CSPP1: variants seen among roughly 807,000 people sequenced by gnomAD.
CSPP1 encodes the protein centrosome and spindle pole associated protein 1, also known as centrosome and spindle pole-associated protein 1.
In CSPP1, 126 loss-of-function variants were observed where a neutral mutation model predicts 164.4. The observed-to-expected ratio is 0.77, with a 90% CI of 0.66 to 0.89. CSPP1 has a LOEUF of 0.89. Ranked by LOEUF, CSPP1 falls within the 40% of genes least tolerant of loss-of-function variation. CSPP1 has a pLI of 0.00. For missense variants in CSPP1, 1,395 were observed against 1,449.8 expected (o/e 0.96, Z 0.61); for synonymous variants, 472 against 476.7 (o/e 0.99, Z 0.13).
chr8:67,164,545 TTCTTTTA>T (rs1828953619), intron 24 of CSPP1, 37 bp downstream of exon 24: 1 of 941,084 alleles, frequency 1.1e-6, no homozygotes, highest in African/African-American at 1.6e-5. Context: ...TTCGCTTGAG[TTCTTTTA>T]TCTTACTTCA....
intron 1 of CSPP1, among the ~76,000 whole-genome samples, chr8:67,067,086 T>G (rs2129539324): frequency 6.6e-6 from 1 of 152,324 alleles, no homozygotes; most frequent in Admixed American, 6.5e-5. Flanking sequence ...CGCCAGCCTC[T>G]AGCACAATGT....
chr8:67,130,761 G>T (rs188968904), intron 15 of CSPP1, among the ~76,000 whole-genome samples: 199 of 152,258 alleles, frequency 1.3e-3, no homozygotes, highest in African/African-American at 4.0e-3. Context: ...GCCGAGGTGG[G>T]TGGATCACTT....
chr8:67,158,365 T>A, intron 19 of CSPP1, 82 bp from the exon 20 acceptor site: 1 of 1,386,754 alleles, frequency 7.2e-7, no homozygotes, highest in Middle Eastern at 2.0e-4. Context: ...GTGTTGAGTT[T>A]ATATACTATC....
At chr8:67,107,545 TAA>T (rs1815835076) in intron 9 of CSPP1, among the ~76,000 whole-genome samples, 1 of 152,200 alleles carries the variant, frequency 6.6e-6, no homozygotes, top group African/African-American at 2.4e-5. Flanking sequence ...TTGAAACTGT[TAA>T]AGTCATTTAA....
chr8:67,112,560 A>G (rs1202903021), intron 10 of CSPP1, among the ~76,000 whole-genome samples: 1 of 152,130 alleles, frequency 6.6e-6, no homozygotes, highest in African/African-American at 2.4e-5. Context: ...AAATCTCACT[A>G]TGACTTGGAT....
chr8:67,084,985 A>C (rs931957073), intron 3 of CSPP1, among the ~76,000 whole-genome samples: 1 of 152,204 alleles, frequency 6.6e-6, no homozygotes, highest in African/African-American at 2.4e-5. Flanking sequence ...TTTAAAGTGT[A>C]CAATTCAATG....
intron 4 of CSPP1, among the ~76,000 whole-genome samples, chr8:67,091,516 T>G (rs1241406796): frequency 1.3e-5 from 2 of 152,234 alleles, no homozygotes; most frequent in East Asian, 3.8e-4. Flanking sequence ...GGGAAATTTT[T>G]TTTCATGCTT....
At chr8:67,133,373 C>G (rs1191660995) in intron 16 of CSPP1, among the ~76,000 whole-genome samples, 2 of 152,094 alleles carry the variant, frequency 1.3e-5, no homozygotes, top group Admixed American at 6.6e-5. Context: ...AGTTCCAGAC[C>G]ACAGCAATAA....
chr8:67,165,135 T>A (rs1196334734), intron 24 of CSPP1, among the ~76,000 whole-genome samples: 1 of 152,022 alleles, frequency 6.6e-6, no homozygotes, highest in Non-Finnish European at 1.5e-5. Flanking sequence ...ATACAAAAAA[T>A]TAACTGGGTG....
chr8:67,179,664 C>T (rs541543568), intron 27 of CSPP1, among the ~76,000 whole-genome samples, 199 bp from the exon 28 acceptor site: 2 of 152,172 alleles, frequency 1.3e-5, no homozygotes, highest in South Asian at 4.1e-4. Context: ...TCTTCTGTTG[C>T]TATCACCGTC....
At chr8:67,192,365 G>A (rs746819561) in intron 29 of CSPP1, among the ~76,000 whole-genome samples, 7 of 152,134 alleles carry the variant, frequency 4.6e-5, no homozygotes, top group Non-Finnish European at 1.0e-4. Flanking sequence ...ATGAGCCACC[G>A]CGCCCAGCCC....
At chr8:67,124,427 A>G (rs1290844486) in intron 15 of CSPP1, among the ~76,000 whole-genome samples, 2 of 152,178 alleles carry the variant, frequency 1.3e-5, no homozygotes, top group African/African-American at 4.8e-5. Context: ...TTGTCATACA[A>G]ATCACACTAT....
Position 67,196,042 on chromosome 8 carries a change from ATGTCCTAT to A in CSPP1, c.*451_*458del, listed in dbSNP as rs1445202993. The A allele has an allele frequency of 6.6e-6, 1 of 152,112 alleles. No individual in the cohort carries two copies. Among genetic ancestry groups the A allele is most frequent in the Non-Finnish European group, 1.4e-5 (1 of 70,016 alleles). The allele number at this position is 152,112 out of a possible 1,614,324, so 9.4% of individuals were successfully genotyped here. On this transcript the variant is annotated 3_prime_UTR_variant, in exon 31 of 31. Transcript: ENST00000678616. The stretch of plus-strand genomic sequence containing the variant: ...TCCAGTTTCTGTGTGATGCAATCAA[ATGTCCTAT>A]TAATTAATTATTATTTCATGTCATT...
At chr8:67,074,645 G>A (rs184733653) in intron 2 of CSPP1, among the ~76,000 whole-genome samples, 1 of 152,246 alleles carries the variant, frequency 6.6e-6, no homozygotes, top group African/African-American at 2.4e-5. Flanking sequence ...AAACAGAATA[G>A]TTGTAAAAGC....
At chr8:67,101,607 T>C (rs1374544832) in intron 7 of CSPP1, among the ~76,000 whole-genome samples, 2 of 152,164 alleles carry the variant, frequency 1.3e-5, no homozygotes, top group African/African-American at 4.8e-5. Context: ...CTGTGATCGA[T>C]TAAAAAATGG....
intron 27 of CSPP1, 36 bp from the exon 28 acceptor site, chr8:67,179,827 C>G (rs1832590317): frequency 6.9e-7 from 1 of 1,439,606 alleles, no homozygotes; most frequent in Non-Finnish European, 9.7e-7. Context: ...GTACACAAAA[C>G]TAATAAAAAT....
rs1828420397 is a variant in CSPP1 at position 67,161,838 on chromosome 8, C to G, written c.2566C>G (p.Pro856Ala). 3 of 1,613,246 alleles carry G rather than the reference C, an allele frequency of 1.9e-6. No homozygotes were observed. Among genetic ancestry groups the G allele is most frequent in the Non-Finnish European group, 2.5e-6 (3 of 1,179,630 alleles). The stretch of plus-strand genomic sequence containing the variant: ...CATGAGACAGCCTTCTCCTATAGTT[C>G]CTGCTCTTCAGAACAAAATTGCAAG... ...KHMRQPSPIV[P>A]ALQNKIASKL... The change falls in exon 22 of 31, where the codon CCT becomes GCT. Residue 856 changes from proline (P) to alanine (A), a missense_variant. By Grantham distance (27) the Pro-to-Ala change is conservative. Coordinates refer to ENST00000678616, the MANE Select transcript of CSPP1 (RefSeq NM_001382391.1).
chr8:67,106,816 ACAGT>A (rs931684501), intron 9 of CSPP1, among the ~76,000 whole-genome samples: 1 of 152,150 alleles, frequency 6.6e-6, no homozygotes, highest in South Asian at 2.1e-4. Context: ...CAACGTAAAA[ACAGT>A]CAGTAAATTA....
At chr8:67,134,699 A>G (rs1194069495) in intron 16 of CSPP1, among the ~76,000 whole-genome samples, 1 of 151,692 alleles carries the variant, frequency 6.6e-6, no homozygotes, top group East Asian at 1.9e-4. Flanking sequence ...AGCTGGGACT[A>G]TAGGCGCCTG....
Sources: gnomAD v4.1 joint callset for allele counts (sites outside exome capture counted in the v4.1 genomes callset) on GRCh38, gnomAD v4.1.1 for gene constraint, MANE v1.5 for transcripts, NCBI Gene and HGNC (gene_info 2026-07-23, HGNC 2026-07-21) for gene names.